Variants in ELP4 observed in about 807,000 individuals in gnomAD.
ELP4 encodes the protein elongator complex protein 4.
A neutral mutation model predicts 48.9 loss-of-function variants in ELP4; 51 were observed. The ratio of observed to expected loss-of-function variants is 1.04; its 90% CI spans 0.83 to 1.32. The LOEUF (loss-of-function observed/expected upper bound fraction) is 1.32. ELP4 is among the 40% of genes most tolerant of loss of function. ELP4 has a pLI of 0.00. For missense variants in ELP4, 519 were observed against 514.6 expected, an observed-to-expected ratio of 1.01 and a Z score of -0.08; for synonymous variants, 210 against 189.2, an observed-to-expected ratio of 1.11 and a Z score of -0.90.
chr11:31,547,644 G>A (rs1284305042), intron 3 of ELP4, among the ~76,000 whole-genome samples: 7 of 152,238 alleles, frequency 4.6e-5, no homozygotes, highest in East Asian at 1.9e-4. Context: ...TATGAGGCCA[G>A]CATCATCCTG....
At chr11:31,520,183 A>G (rs1956189798) in intron 2 of ELP4, 92 bp downstream of exon 2, 1 of 1,075,440 alleles carries the variant, frequency 9.3e-7, no homozygotes, top group African/African-American at 1.6e-5. Context: ...AATTATTTAA[A>G]TCACTAACAC....
chr11:31,761,562 G>A (rs1328718041), intron 9 of ELP4, among the ~76,000 whole-genome samples: 1 of 152,050 alleles, frequency 6.6e-6, no homozygotes, highest in Non-Finnish European at 1.5e-5. Flanking sequence ...AAAAAGATTT[G>A]AATTTAAAAA....
At chr11:31,626,407 A>C (rs534849653) in intron 5 of ELP4, among the ~76,000 whole-genome samples, 1 of 151,970 alleles carries the variant, frequency 6.6e-6, no homozygotes, top group Admixed American at 6.6e-5. Context: ...ATTATGCAGA[A>C]TCTTAACTTC....
At chr11:31,772,109 A>G (rs1948157714) in intron 9 of ELP4, among the ~76,000 whole-genome samples, 1 of 146,516 alleles carries the variant, frequency 6.8e-6, no homozygotes, top group Non-Finnish European at 1.5e-5. Flanking sequence ...CACCACCTGA[A>G]TTATTTTCTT....
Position 31,579,840 on chromosome 11 carries a change from C to T in ELP4, c.382-14930C>T, listed in dbSNP as rs532953893. The stretch of plus-strand genomic sequence containing the variant: ...TAGGAGATATACCTAATGTGAATGA[C>T]GAGTTAGCGGGTCCAGCACACCAAC... On this transcript the variant is annotated intron_variant, in intron 3 of 9. Coordinates refer to ENST00000640961, the MANE Select transcript of ELP4 (RefSeq NM_019040.5). 2.6e-5 allele frequency among the ~76,000 whole-genome samples: 4 copies of T among 151,722 alleles called. No individual in the cohort carries two copies. In the South Asian group the frequency reaches 8.4e-4, roughly 32 times the overall value.
intron 9 of ELP4, among the ~76,000 whole-genome samples, chr11:31,755,737 A>G (rs1343497137): frequency 1.3e-5 from 2 of 151,948 alleles, no homozygotes; most frequent in African/African-American, 4.8e-5. Context: ...TTACAAAAAA[A>G]AAAAAAAAAA....
chr11:31,742,635 A>G (rs1472925386), intron 9 of ELP4, among the ~76,000 whole-genome samples: 1 of 152,242 alleles, frequency 6.6e-6, no homozygotes, highest in East Asian at 1.9e-4. Flanking sequence ...CCAGAATCTC[A>G]TATCCAGCTA....
At chr11:31,592,842 A>G (rs962277981) in intron 3 of ELP4, among the ~76,000 whole-genome samples, 4 of 152,118 alleles carry the variant, frequency 2.6e-5, no homozygotes, top group African/African-American at 9.6e-5. Context: ...CATATTAATG[A>G]ATCTCTAGTA....
chr11:31,787,131 G>T lies in ELP4; in HGVS notation c.*3607G>T, dbSNP rs550826509. 14 of 232,438 alleles carry T rather than the reference G, an allele frequency of 6.0e-5. No individual in the cohort carries two copies. The highest frequency in any genetic ancestry group is 1.1e-4 in the Non-Finnish European group (13 of 117,592). The allele number at this position is 232,438 out of a possible 1,614,324, so 14.4% of individuals were successfully genotyped here. A position where few individuals can be genotyped will look rare whatever the true frequency, so the allele number is the denominator to read the frequency against. ...TCCCCAAGAGAGTGCCTGGAGCTCT[G>T]TTTGGAAGGACAGCTCATGTCCCTA... On this transcript the variant is annotated 3_prime_UTR_variant, in exon 10 of 10. Transcript: ENST00000640961.
chr11:31,659,529 T>C (rs1030724840), intron 9 of ELP4, among the ~76,000 whole-genome samples: 2 of 152,178 alleles, frequency 1.3e-5, no homozygotes, highest in African/African-American at 4.8e-5. Context: ...CTATGCTTTA[T>C]TGAAAACTTG....
At chr11:31,740,024 G>A (rs73477604) in intron 9 of ELP4, among the ~76,000 whole-genome samples, 9,940 of 152,186 alleles carry the variant, frequency 0.065, 849 homozygotes, top group African/African-American at 0.19. Flanking sequence ...CAGCAAACAC[G>A]GTTGCCAAGA....
chr11:31,713,144 A>G (rs1241649267), intron 9 of ELP4, among the ~76,000 whole-genome samples: 1 of 152,180 alleles, frequency 6.6e-6, no homozygotes, highest in Non-Finnish European at 1.5e-5. Flanking sequence ...CCTCAATGCA[A>G]ATCAGGCAGG....
rs1198377479 is a variant in ELP4 at position 31,788,834 on chromosome 11, A to T, written c.*5310A>T. 4.9e-5 allele frequency: 10 copies of T among 205,236 alleles called. No homozygotes were observed. Among genetic ancestry groups the T allele is most frequent in the African/African-American group, 1.6e-4 (7 of 43,858 alleles). The allele number at this position is 205,236 out of a possible 1,614,324, so 12.7% of individuals were successfully genotyped here. A position where few individuals can be genotyped will look rare whatever the true frequency, so the allele number is the denominator to read the frequency against. ...TTTTTAAGGATCATCAGGATGTAAA[A>T]CAGAGTGTGTGTGAAAGTAACCATT... On this transcript the variant is annotated 3_prime_UTR_variant, in exon 10 of 10. Coordinates refer to ENST00000640961, the MANE Select transcript of ELP4 (RefSeq NM_019040.5).
chr11:31,594,911 C>T lies in ELP4; in HGVS notation c.513+10C>T. The T allele has an allele frequency of 6.5e-7, 1 of 1,546,942 alleles. No homozygotes were observed. The highest frequency in any genetic ancestry group is 8.6e-7 in the Non-Finnish European group (1 of 1,157,024). On this transcript the variant is annotated intron_variant, in intron 4 of 9. Coordinates refer to ENST00000640961, the MANE Select transcript of ELP4 (RefSeq NM_019040.5). ...ATTACCCAAGATGGAGGCAAGTAAA[C>T]ATACAAATTCTTTCCAAAATTTGCA...
chr11:31,610,238 A>G lies in ELP4; in HGVS notation c.653+6331A>G, dbSNP rs564710153. 8.2e-4 allele frequency among the ~76,000 whole-genome samples: 125 copies of G among 152,306 alleles called. 1 individual carries two copies. Among genetic ancestry groups the G allele is most frequent in the Non-Finnish European group, 1.5e-3 (99 of 68,016 alleles). On this transcript the variant is annotated intron_variant, in intron 5 of 9. Coordinates refer to ENST00000640961, the MANE Select transcript of ELP4 (RefSeq NM_019040.5). Reference sequence around the variant, plus strand: ...GTAAGTGTGAAGAGAGATTCTGCCTATCTGTTTAGCTGCTAGTGATACAAT... The same window carrying G: ...GTAAGTGTGAAGAGAGATTCTGCCTGTCTGTTTAGCTGCTAGTGATACAAT...
At chr11:31,563,722 C>T (rs889700728) in intron 3 of ELP4, among the ~76,000 whole-genome samples, 6 of 152,232 alleles carry the variant, frequency 3.9e-5, no homozygotes, top group Admixed American at 6.5e-5. Context: ...CTGTATAGAA[C>T]TTATGGAGTC....
chr11:31,627,163 A>G lies in ELP4; in HGVS notation c.707A>G (p.Tyr236Cys). 1 of 1,575,396 alleles carries G rather than the reference A, an allele frequency of 6.3e-7. No individual in the cohort carries two copies. The highest frequency in any genetic ancestry group is 8.6e-7 in the Non-Finnish European group (1 of 1,157,088). ...KLLQFIQNII[Y>C]EEGFDGSNPQ... ...CTTCAGTTTATCCAGAACATCATTT[A>G]TGAGGAAGGATTTGATGGATCCAAT... is the stretch of plus-strand genomic sequence containing the variant. The change falls in exon 6 of 10, where the codon TAT becomes TGT. Residue 236 changes from tyrosine to cysteine, a missense_variant. Coordinates refer to ENST00000640961, the MANE Select transcript of ELP4 (RefSeq NM_019040.5).
Position 31,783,920 on chromosome 11 carries a change from C to T in ELP4, c.*396C>T, listed in dbSNP as rs549547424. ...ACATACTTTCTCTTTATTACAGAAA[C>T]AGTCACTTGCCACCAAAAATGCTGT... On this transcript the variant is annotated 3_prime_UTR_variant, in exon 10 of 10. Coordinates refer to ENST00000640961, the MANE Select transcript of ELP4 (RefSeq NM_019040.5). 1 of 153,968 alleles carries T rather than the reference C, an allele frequency of 6.5e-6. No homozygotes were observed. The highest frequency in any genetic ancestry group is 2.4e-5 in the African/African-American group (1 of 41,602). The allele number at this position is 153,968 out of a possible 1,614,324, so 9.5% of individuals were successfully genotyped here. A position where few individuals can be genotyped will look rare whatever the true frequency, so the allele number is the denominator to read the frequency against.
intron 9 of ELP4, among the ~76,000 whole-genome samples, chr11:31,751,530 G>A (rs548565796): frequency 4.6e-5 from 7 of 152,210 alleles, no homozygotes; most frequent in African/African-American, 9.6e-5. Context: ...GCTGAACTGG[G>A]AAGATGAGGA....
Sources: gnomAD v4.1 joint callset for allele counts (sites outside exome capture counted in the v4.1 genomes callset) on GRCh38, gnomAD v4.1.1 for gene constraint, MANE v1.5 for transcripts, NCBI Gene and HGNC (gene_info 2026-07-23, HGNC 2026-07-21) for gene names.